Variants in WDR27 observed in about 807,000 individuals in gnomAD.
WDR27 encodes the protein WD repeat domain 27, also known as WD repeat-containing protein 27.
WDR27 carries 100 observed loss-of-function variants against 114.4 expected under a neutral mutation model. That is an observed-to-expected ratio of 0.87 (90% CI 0.74 to 1.03). WDR27 has a LOEUF of 1.03. WDR27 is among the 50% of genes least tolerant of loss of function. WDR27 has a pLI of 0.00. For missense variants in WDR27, 1,129 were observed against 1,092.9 expected (o/e 1.03, Z -0.47); for synonymous variants, 449 against 423.1 (o/e 1.06, Z -0.75).
In WDR27 at chr6:169,661,451, C is replaced by T. The variant is rs902366871; in HGVS notation, c.1026-685G>A. ...TGGACATGGACTTGGCAGAGGCCCC[C>T]AGCTGGAACCTGCTTTCCAGACCTC... On this transcript the variant is annotated intron_variant, in intron 9 of 25. Coordinates refer to ENST00000448612, the MANE Select transcript of WDR27 (RefSeq NM_182552.5). Among the ~76,000 whole-genome samples, 7 of 152,190 alleles carry T rather than the reference C, an allele frequency of 4.6e-5. No homozygotes were observed. In the East Asian group the frequency reaches 1.3e-3, roughly 29 times the overall value.
intron 25 of WDR27, among the ~76,000 whole-genome samples, chr6:169,547,111 T>C (rs1797553941): frequency 6.6e-6 from 1 of 152,138 alleles, no homozygotes; most frequent in South Asian, 2.1e-4. Context: ...AAAGACACAA[T>C]ATGCCAAAAC....
chr6:169,654,611 C>G (rs1562827777), intron 13 of WDR27, among the ~76,000 whole-genome samples: 1 of 152,210 alleles, frequency 6.6e-6, no homozygotes, highest in Admixed American at 6.5e-5. Flanking sequence ...GTTCTTGGCA[C>G]CTTCAGAGCA....
chr6:169,568,563 A>G (rs1337321157), intron 25 of WDR27, among the ~76,000 whole-genome samples: 1 of 152,240 alleles, frequency 6.6e-6, no homozygotes, highest in Non-Finnish European at 1.5e-5. Context: ...AGTTGAAAAC[A>G]AATTCTCAAA....
chr6:169,581,449 G>A (rs995997311), intron 24 of WDR27, among the ~76,000 whole-genome samples: 4 of 152,114 alleles, frequency 2.6e-5, no homozygotes, highest in East Asian at 1.9e-4. Context: ...AAAACAATAC[G>A]TTTTACAAAT....
At chr6:169,428,589 TG>T in the WDR27 span, among the ~76,000 whole-genome samples, 2 of 5,878 alleles carry the variant, frequency 3.4e-4, no homozygotes, top group Non-Finnish European at 7.6e-4. Context: ...TCTGTGGGGG[TG>T]GGACGGTGGC....
At chr6:169,529,514 C>T (rs1304415529) in intron 25 of WDR27, among the ~76,000 whole-genome samples, 1 of 152,080 alleles carries the variant, frequency 6.6e-6, no homozygotes, top group African/African-American at 2.4e-5. Context: ...CTTACATTTC[C>T]CATAAAATAA....
intron 2 of WDR27, among the ~76,000 whole-genome samples, chr6:169,675,003 T>C (rs926989548): frequency 6.6e-6 from 1 of 152,142 alleles, no homozygotes; most frequent in African/African-American, 2.4e-5. Flanking sequence ...TGTCATCAGT[T>C]AAGGCGGGAA....
Position 169,486,707 on chromosome 6 carries a change from G to C in WDR27, c.2646-29073C>G, listed in dbSNP as rs377145356. Among the ~76,000 whole-genome samples the C allele has an allele frequency of 1.3e-4, 20 of 152,180 alleles. No homozygotes were observed. The South Asian group carries it at 2.5e-3, about 19-fold the overall frequency. On this transcript the variant is annotated intron_variant, in intron 25 of 25. Coordinates refer to ENST00000448612, the MANE Select transcript of WDR27 (RefSeq NM_182552.5). Reference sequence around the variant, plus strand: ...GGATTTCGCCATGTTAGTTAGGCTGGTCTCGAACTCCTGACCTCATGATCC... The same window carrying C: ...GGATTTCGCCATGTTAGTTAGGCTGCTCTCGAACTCCTGACCTCATGATCC...
chr6:169,550,830 C>G (rs1022041959), intron 25 of WDR27, among the ~76,000 whole-genome samples: 4 of 152,174 alleles, frequency 2.6e-5, no homozygotes, highest in African/African-American at 9.7e-5. Context: ...ATCCTCCCAC[C>G]TCAGCATCCC....
At chr6:169,644,128 T>C (rs9371158) in intron 16 of WDR27, among the ~76,000 whole-genome samples, 243 of 34,092 alleles carry the variant, frequency 7.1e-3, no homozygotes, top group African/African-American at 9.9e-3. Flanking sequence ...GTCACACTGT[T>C]GAAAAGCCTA....
the WDR27 span, among the ~76,000 whole-genome samples, chr6:169,429,952 T>C: frequency 5.3e-5 from 8 of 152,312 alleles, no homozygotes; most frequent in African/African-American, 1.9e-4. Flanking sequence ...CCAAACACGT[T>C]TTCCAGATGA....
intron 2 of WDR27, 50 bp from the exon 3 acceptor site, chr6:169,672,446 A>G: frequency 6.7e-7 from 1 of 1,492,076 alleles, no homozygotes; most frequent in Non-Finnish European, 9.0e-7. Flanking sequence ...TTTAAAAATA[A>G]GAGTATAACA....
intron 22 of WDR27, among the ~76,000 whole-genome samples, chr6:169,602,775 CTTG>C (rs1297103630): frequency 1.3e-5 from 2 of 151,594 alleles, no homozygotes; most frequent in Admixed American, 6.6e-5. Context: ...CCAAGAAATT[CTTG>C]TTATTTCTTG....
intron 25 of WDR27, among the ~76,000 whole-genome samples, chr6:169,520,696 C>T (rs578014526): frequency 4.6e-5 from 7 of 151,676 alleles, no homozygotes; most frequent in African/African-American, 9.7e-5. Flanking sequence ...ATTAACAAAG[C>T]GATTAAAGAG....
intron 25 of WDR27, among the ~76,000 whole-genome samples, chr6:169,534,120 T>C (rs1232831585): frequency 6.6e-6 from 1 of 152,184 alleles, no homozygotes; most frequent in Non-Finnish European, 1.5e-5. Context: ...TTGTTACATT[T>C]TGTCAAATCA....
chr6:169,494,757 C>T (rs532450209), intron 25 of WDR27, among the ~76,000 whole-genome samples: 117 of 152,280 alleles, frequency 7.7e-4, no homozygotes, highest in African/African-American at 2.6e-3. Context: ...GATTGGAAAA[C>T]TGGCATTAAT....
chr6:169,557,433 G>C (rs972262250), intron 25 of WDR27, among the ~76,000 whole-genome samples: 12 of 152,206 alleles, frequency 7.9e-5, no homozygotes, highest in Non-Finnish European at 1.5e-5. Flanking sequence ...TGCGGTGCAG[G>C]TGCACCTGTG....
chr6:169,539,838 T>C (rs961509586), intron 25 of WDR27, among the ~76,000 whole-genome samples: 1 of 152,320 alleles, frequency 6.6e-6, no homozygotes, highest in Admixed American at 6.5e-5. Flanking sequence ...GGACTTCACA[T>C]TCCCAGGGCT....
intron 6 of WDR27, chr6:169,666,586 T>C (rs1827882122): frequency 1.0e-6 from 1 of 985,442 alleles, no homozygotes; most frequent in African/African-American, 1.7e-5. Flanking sequence ...CCGCTCCTTA[T>C]GCCGTGCTCC....
Sources: allele counts gnomAD v4.1 joint callset (sites outside exome capture counted in the v4.1 genomes callset), GRCh38; gene constraint gnomAD v4.1.1; transcripts MANE v1.5; gene names NCBI Gene and HGNC (gene_info 2026-07-23, HGNC 2026-07-21).